THSD4: variants seen among roughly 807,000 people sequenced by gnomAD.
The protein encoded by THSD4 is thrombospondin type-1 domain-containing protein 4.
THSD4 carries 69 observed loss-of-function variants against 119.0 expected under a neutral mutation model. The observed-to-expected ratio is 0.58, with a 90% CI of 0.48 to 0.71. The LOEUF is 0.71. THSD4 is among the 30% of genes least tolerant of loss of function. The probability of loss-of-function intolerance (pLI) is 0.00; values close to 1 mark genes in which losing one functional copy is unlikely to be tolerated. For missense variants in THSD4, 1,393 were observed against 1,391.1 expected, an observed-to-expected ratio of 1.00 and a Z score of -0.02; for synonymous variants, 524 against 540.4, an observed-to-expected ratio of 0.97 and a Z score of 0.42.
intron 7 of THSD4, among the ~76,000 whole-genome samples, chr15:71,484,892 G>A (rs1048580926): frequency 6.6e-5 from 10 of 152,154 alleles, no homozygotes; most frequent in Non-Finnish European, 1.5e-4. Flanking sequence ...AATGCATTCT[G>A]GTTGAGTTTG....
chr15:71,111,596 G>C (rs947029081), upstream of THSD4: 2 of 614,606 alleles, frequency 3.3e-6, no homozygotes, highest in South Asian at 2.0e-5. Context: ...GCACAGGCTT[G>C]CCTTGACTTT....
chr15:71,181,904 G>C (rs1266491420), intron 3 of THSD4, among the ~76,000 whole-genome samples: 8 of 152,178 alleles, frequency 5.3e-5, no homozygotes, highest in South Asian at 2.1e-4. Context: ...TCTGGTGGGT[G>C]ATCTCCAAAT....
chr15:71,611,977 T>C (rs934034992), intron 7 of THSD4, among the ~76,000 whole-genome samples: 1 of 152,094 alleles, frequency 6.6e-6, no homozygotes, highest in Non-Finnish European at 1.5e-5. Flanking sequence ...AGCAGTTGAG[T>C]GAGTACTCTT....
chr15:71,472,351 A>G (rs2047592998), intron 7 of THSD4, among the ~76,000 whole-genome samples: 1 of 152,220 alleles, frequency 6.6e-6, no homozygotes, highest in South Asian at 2.1e-4. Context: ...TTAGGCCTTC[A>G]ATACATATTA....
At chr15:71,537,268 C>T (rs1567025816) in intron 7 of THSD4, among the ~76,000 whole-genome samples, 1 of 152,130 alleles carries the variant, frequency 6.6e-6, no homozygotes, top group Non-Finnish European at 1.5e-5. Flanking sequence ...TCCCTCTAAT[C>T]CCTTCGCCAT....
At chr15:71,539,801 T>C (rs1567026904) in intron 7 of THSD4, among the ~76,000 whole-genome samples, 1 of 152,212 alleles carries the variant, frequency 6.6e-6, no homozygotes, top group Admixed American at 6.5e-5. Flanking sequence ...CGTTCTCTTG[T>C]TTGGCATTCA....
At chr15:71,660,052 C>T (rs1362005436) in intron 7 of THSD4, among the ~76,000 whole-genome samples, 2 of 152,168 alleles carry the variant, frequency 1.3e-5, no homozygotes, top group Non-Finnish European at 2.9e-5. Context: ...GCTCCCAAAC[C>T]ATTTAATTTC....
At chr15:71,326,672 TCAAAAAAAAAAA>T in intron 6 of THSD4, among the ~76,000 whole-genome samples, 2 of 6,062 alleles carry the variant, frequency 3.3e-4, no homozygotes, top group African/African-American at 8.5e-4. Flanking sequence ...AGATTCCATC[TCAAAAAAAAAAA>T]AAAAAAAAAA....
intron 8 of THSD4, among the ~76,000 whole-genome samples, chr15:71,681,338 G>C (rs191020599): frequency 1.3e-5 from 2 of 152,204 alleles, no homozygotes; most frequent in East Asian, 1.9e-4. Flanking sequence ...AAAAGCAAAA[G>C]ACAATTTTTT....
Position 71,136,873 on chromosome 15 carries a change from T to C in THSD4, c.-79-4576T>C, listed in dbSNP as rs145631260. On this transcript the variant is annotated intron_variant, in intron 1 of 17. Transcript: ENST00000261862. ...TGTAAGGGGCGGCAGAATGGTGTCA[T>C]AGTTCAGGCAGCATGGCATCCCTTC... Among the ~76,000 whole-genome samples, 4 of 152,266 alleles carry C rather than the reference T, an allele frequency of 2.6e-5. No individual in the cohort carries two copies. In the East Asian group the frequency reaches 7.7e-4, roughly 29 times the overall value.
chr15:71,110,731 C>A (rs1330129624), upstream of THSD4: 1 of 185,024 alleles, frequency 5.4e-6, no homozygotes, highest in African/African-American at 2.4e-5. Context: ...CCCTGCCTTC[C>A]TCAGGGTCTT....
chr15:71,209,641 T>C (rs1016868684), intron 3 of THSD4, among the ~76,000 whole-genome samples: 9 of 152,222 alleles, frequency 5.9e-5, no homozygotes, highest in African/African-American at 2.2e-4. Flanking sequence ...CTTTTGTTTG[T>C]TTTGTTTTTC....
intron 7 of THSD4, among the ~76,000 whole-genome samples, chr15:71,443,080 G>C (rs984991204): frequency 6.6e-6 from 1 of 152,114 alleles, no homozygotes; most frequent in African/African-American, 2.4e-5. Flanking sequence ...AGAAAGAGGG[G>C]AGCAGAGAGA....
chr15:71,550,656 G>T (rs376241294), intron 7 of THSD4, among the ~76,000 whole-genome samples: 1 of 152,106 alleles, frequency 6.6e-6, no homozygotes, highest in African/African-American at 2.4e-5. Context: ...TAGCCAGGAT[G>T]GTCTCAATCT....
chr15:71,320,464 C>G (rs894901799), intron 6 of THSD4, among the ~76,000 whole-genome samples: 2 of 152,160 alleles, frequency 1.3e-5, no homozygotes, highest in African/African-American at 2.4e-5. Context: ...TCCTTTGGAT[C>G]ACAAACTTTC....
At chr15:71,374,989 C>G (rs1392057754) in intron 6 of THSD4, among the ~76,000 whole-genome samples, 1 of 152,150 alleles carries the variant, frequency 6.6e-6, no homozygotes, top group Non-Finnish European at 1.5e-5. Context: ...GAGAAATCCT[C>G]ACAGCCACAG....
intron 7 of THSD4, among the ~76,000 whole-genome samples, chr15:71,641,697 C>A (rs1674815758): frequency 6.6e-6 from 1 of 151,862 alleles, no homozygotes; most frequent in South Asian, 2.1e-4. Flanking sequence ...ATGTCACTTT[C>A]ATAATAAAAG....
intron 8 of THSD4, among the ~76,000 whole-genome samples, chr15:71,671,983 C>T (rs2051540939): frequency 6.6e-6 from 1 of 152,086 alleles, no homozygotes; most frequent in African/African-American, 2.4e-5. Context: ...TTTTTGGTTC[C>T]ATATGAACTT....
chr15:71,241,937 A>G (rs1384503019), intron 4 of THSD4, among the ~76,000 whole-genome samples: 1 of 152,140 alleles, frequency 6.6e-6, no homozygotes, highest in Non-Finnish European at 1.5e-5. Context: ...AACTGTCATT[A>G]GTGTTACTGT....
Sources: allele counts gnomAD v4.1 joint callset (sites outside exome capture counted in the v4.1 genomes callset), GRCh38; gene constraint gnomAD v4.1.1; transcripts MANE v1.5; gene names NCBI Gene and HGNC (gene_info 2026-07-23, HGNC 2026-07-21).